The following KAZN variants were observed in gnomAD, a reference collection of about 807,000 sequenced individuals.
KAZN encodes kazrin.
A neutral mutation model predicts 87.4 loss-of-function variants in KAZN; 40 were observed. That is an observed-to-expected ratio of 0.46 (90% confidence interval 0.36 to 0.60). The LOEUF is 0.60. Ranked by LOEUF, KAZN falls within the 20% of genes least tolerant of loss-of-function variation. KAZN has a pLI of 0.00. For synonymous variants in KAZN, 466 were observed against 458.3 expected, an observed-to-expected ratio of 1.02 and a Z score of -0.22; for missense variants, 898 against 1,073.9, an observed-to-expected ratio of 0.84 and a Z score of 2.29.
chr1:14,610,613 G>T (rs1452386627), intron 1 of KAZN, among the ~76,000 whole-genome samples: 1 of 151,978 alleles, frequency 6.6e-6, no homozygotes, highest in Non-Finnish European at 1.5e-5. Context: ...ACAAGGTCAG[G>T]AATTACACCA....
intron 2 of KAZN, among the ~76,000 whole-genome samples, chr1:14,384,578 T>C (rs947051428): frequency 3.3e-5 from 5 of 152,158 alleles, no homozygotes; most frequent in Non-Finnish European, 5.9e-5. Context: ...GATAATCATG[T>C]GGTTTTTGTC....
At chr1:14,042,346 A>T (rs769179296) in intron 1 of KAZN, among the ~76,000 whole-genome samples, 1 of 152,162 alleles carries the variant, frequency 6.6e-6, no homozygotes, top group Non-Finnish European at 1.5e-5. Flanking sequence ...GCTGGGTTAC[A>T]GGAGGGCAAG....
chr1:15,106,667 G>C (rs906960791), intron 13 of KAZN, among the ~76,000 whole-genome samples: 6 of 152,040 alleles, frequency 3.9e-5, no homozygotes, highest in African/African-American at 1.4e-4. Context: ...CTCTGTCCAG[G>C]CTCCACATTC....
At chr1:14,407,169 G>A (rs1424172548) in intron 2 of KAZN, among the ~76,000 whole-genome samples, 1 of 152,192 alleles carries the variant, frequency 6.6e-6, no homozygotes, top group Non-Finnish European at 1.5e-5. Context: ...GGACATGTGG[G>A]TCATTCCTCG....
At chr1:14,333,291 G>T (rs1484293621) in intron 2 of KAZN, among the ~76,000 whole-genome samples, 1 of 152,186 alleles carries the variant, frequency 6.6e-6, no homozygotes, top group Non-Finnish European at 1.5e-5. Flanking sequence ...TATCATTGAT[G>T]GGCATTCGGG....
chr1:13,961,859 T>A (rs1641765187), intron 1 of KAZN, among the ~76,000 whole-genome samples: 1 of 152,208 alleles, frequency 6.6e-6, no homozygotes, highest in African/African-American at 2.4e-5. Context: ...TAAGGTCATA[T>A]TGAATGTGAA....
intron 2 of KAZN, among the ~76,000 whole-genome samples, chr1:14,971,828 G>A (rs1433169192): frequency 6.6e-6 from 1 of 151,944 alleles, no homozygotes; most frequent in African/African-American, 2.4e-5. Context: ...TCTTCGCTCT[G>A]AAAATGGTCC....
At chr1:14,089,896 C>A (rs537581469) in intron 1 of KAZN, among the ~76,000 whole-genome samples, 12 of 152,200 alleles carry the variant, frequency 7.9e-5, no homozygotes, top group Admixed American at 2.0e-4. Context: ...ATTTTTAGCT[C>A]ACTATAGAAT....
chr1:14,805,712 GAT>G (rs1646189480), intron 1 of KAZN, among the ~76,000 whole-genome samples: 1 of 151,566 alleles, frequency 6.6e-6, no homozygotes, highest in African/African-American at 2.4e-5. Flanking sequence ...AGTGAGCAGA[GAT>G]CGCGCCAATG....
chr1:14,748,920 C>A (rs1339419280), intron 1 of KAZN, among the ~76,000 whole-genome samples: 1 of 152,088 alleles, frequency 6.6e-6, no homozygotes, highest in African/African-American at 2.4e-5. Context: ...AAGTGAGCCA[C>A]GAATTTGAGA....
intron 1 of KAZN, among the ~76,000 whole-genome samples, chr1:14,020,619 T>C (rs1412543930): frequency 6.6e-6 from 1 of 152,218 alleles, no homozygotes; most frequent in African/African-American, 2.4e-5. Flanking sequence ...ATATGCATGA[T>C]AAGTGTCCAG....
At chr1:13,975,751 C>T (rs964402237) in intron 1 of KAZN, among the ~76,000 whole-genome samples, 4 of 152,130 alleles carry the variant, frequency 2.6e-5, no homozygotes, top group African/African-American at 7.2e-5. Context: ...ACACGAGTCA[C>T]GTCATGATGT....
At chr1:14,199,133 G>T (rs1355629217) in intron 2 of KAZN, among the ~76,000 whole-genome samples, 1 of 152,152 alleles carries the variant, frequency 6.6e-6, no homozygotes, top group South Asian at 2.1e-4. Context: ...TACTGACATT[G>T]CAAGTCCCTG....
intron 1 of KAZN, among the ~76,000 whole-genome samples, chr1:14,911,452 G>A (rs898603929): frequency 6.6e-6 from 1 of 152,232 alleles, no homozygotes; most frequent in Non-Finnish European, 1.5e-5. Flanking sequence ...ACTGACCTGG[G>A]CAGGGAAACG....
chr1:14,162,788 C>T (rs1645738708), intron 1 of KAZN, among the ~76,000 whole-genome samples: 3 of 152,158 alleles, frequency 2.0e-5, no homozygotes. Flanking sequence ...TTGGGATCCG[C>T]CTGCCTCAGC....
chr1:14,551,531 T>G (rs1673520270), intron 2 of KAZN, among the ~76,000 whole-genome samples: 1 of 152,202 alleles, frequency 6.6e-6, no homozygotes, highest in African/African-American at 2.4e-5. Context: ...ATCTGTTGGC[T>G]GGTTGGTTAC....
intron 1 of KAZN, among the ~76,000 whole-genome samples, chr1:13,902,602 T>C (rs768862242): frequency 6.6e-6 from 1 of 152,030 alleles, no homozygotes; most frequent in Non-Finnish European, 1.5e-5. Flanking sequence ...AAAATACAGG[T>C]AGGTAGAAGG....
At chr1:14,843,566 G>A (rs1446756266) in intron 1 of KAZN, among the ~76,000 whole-genome samples, 2 of 152,244 alleles carry the variant, frequency 1.3e-5, no homozygotes, top group East Asian at 3.9e-4. Context: ...CAAGGCTGGG[G>A]TGGAAGAGCC....
At chr1:14,838,663 C>T (rs778312605) in intron 1 of KAZN, among the ~76,000 whole-genome samples, 1 of 152,182 alleles carries the variant, frequency 6.6e-6, no homozygotes, top group Non-Finnish European at 1.5e-5. Flanking sequence ...TTCTGTCACC[C>T]AGCCTGGAGT....
Sources: gnomAD v4.1 joint callset for allele counts (sites outside exome capture counted in the v4.1 genomes callset) on GRCh38, gnomAD v4.1.1 for gene constraint, MANE v1.5 for transcripts, NCBI Gene and HGNC (gene_info 2026-07-23, HGNC 2026-07-21) for gene names.